PCDHA3: variants seen among roughly 807,000 people sequenced by gnomAD.
PCDHA3 encodes protocadherin alpha 3.
Under a neutral mutation model 62.2 loss-of-function variants are expected in PCDHA3, and 41 were observed. The ratio of observed to expected loss-of-function variants is 0.66; its 90% CI spans 0.51 to 0.86. The LOEUF (loss-of-function observed/expected upper bound fraction) is 0.86, where lower values mean the gene tolerates loss of function less well. PCDHA3 is among the 40% of genes least tolerant of loss of function. PCDHA3 has a pLI of 0.00. For missense variants in PCDHA3, 1,304 were observed against 1,241.2 expected, an observed-to-expected ratio of 1.05 and a Z score of -0.76; for synonymous variants, 640 against 555.4, an observed-to-expected ratio of 1.15 and a Z score of -2.14.
rs201890234 is a variant in PCDHA3, at chr5:140,842,178, A to C, written c.2394+38587A>C. ...TCATATTCTTTTAATAGCCTTGTTG[A>C]AACTATGGTTATTGACCACTTTAGC... On this transcript the variant is annotated intron_variant, in intron 1 of 3. Transcript: ENST00000522353. 3.1e-4 allele frequency: 494 copies of C among 1,613,248 alleles called. 6 individuals are homozygous for C. Among genetic ancestry groups the C allele is most frequent in the African/African-American group, 2.3e-3 (170 of 74,856 alleles).
intron 3 of PCDHA3, among the ~76,000 whole-genome samples, chr5:140,996,703 C>G (rs2097740523): frequency 6.6e-6 from 1 of 152,132 alleles, no homozygotes; most frequent in African/African-American, 2.4e-5. Context: ...GAACCTCTAT[C>G]TCTTTGATTT....
Position 140,802,966 on chromosome 5 carries a change from T to G in PCDHA3, c.1769T>G (p.Val590Gly), listed in dbSNP as rs1554122488. ...CCGCGGTCAGTGGGTGCGGGCCACG[T>G]GGTAGCGAAGGTGCGCGCAGTGGAT... ...LVPRSVGAGH[V>G]VAKVRAVDAD... Residue 590 changes from valine (V) to glycine (G), a missense_variant, in exon 1 of 4, where the codon GTG becomes GGG. By Grantham distance (109) the Val-to-Gly change is moderately radical (BLOSUM62 -3). Transcript: ENST00000522353. 1.9e-6 allele frequency: 3 copies of G among 1,613,950 alleles called. No homozygotes were observed. In the Admixed American group the frequency reaches 5.0e-5, roughly 27 times the overall value.
intron 1 of PCDHA3, among the ~76,000 whole-genome samples, chr5:140,973,378 A>C (rs1453357452): frequency 6.6e-6 from 1 of 152,238 alleles, no homozygotes; most frequent in Non-Finnish European, 1.5e-5. Context: ...CAATGGTCAG[A>C]ATAGACAAAG....
chr5:140,898,733 A>C (rs1401773719), intron 1 of PCDHA3, among the ~76,000 whole-genome samples: 1 of 152,154 alleles, frequency 6.6e-6, no homozygotes, highest in Non-Finnish European at 1.5e-5. Flanking sequence ...GAAGAAAGTC[A>C]TTGGTAGCTT....
intron 1 of PCDHA3, among the ~76,000 whole-genome samples, chr5:140,940,317 A>G (rs782009825): frequency 1.5e-4 from 23 of 152,024 alleles, no homozygotes; most frequent in Non-Finnish European, 2.2e-4. Context: ...CTTTCTTCCA[A>G]TTTTACTAAT....
intron 1 of PCDHA3, among the ~76,000 whole-genome samples, chr5:140,905,837 G>A (rs1433117944): frequency 1.3e-5 from 2 of 152,148 alleles, no homozygotes; most frequent in African/African-American, 2.4e-5. Context: ...ATAAAGGGGA[G>A]TTTATTAAGG....
intron 1 of PCDHA3, among the ~76,000 whole-genome samples, chr5:140,923,820 C>T (rs892649324): frequency 5.3e-4 from 80 of 152,224 alleles, no homozygotes; most frequent in African/African-American, 1.6e-3. Context: ...TGAAAATAGA[C>T]GTCAGTGGCA....
intron 3 of PCDHA3, among the ~76,000 whole-genome samples, chr5:140,991,007 G>C (rs2153892777): frequency 6.6e-6 from 1 of 152,280 alleles, no homozygotes; most frequent in South Asian, 2.1e-4. Flanking sequence ...ATTGAGAACT[G>C]TGATAAGCAC....
At chr5:140,862,433 G>T (rs781821294) in intron 1 of PCDHA3, 1 of 354,884 alleles carries the variant, frequency 2.8e-6, no homozygotes, top group Non-Finnish European at 5.6e-6. Flanking sequence ...GAAACTATTC[G>T]TTGGTACTCC....
chr5:141,000,375 C>G (rs1253953172), intron 3 of PCDHA3, among the ~76,000 whole-genome samples: 8 of 57,690 alleles, frequency 1.4e-4, no homozygotes, highest in Non-Finnish European at 1.9e-4. Context: ...CTCTCTCTCT[C>G]TCTCTCTCTC....
At chr5:140,906,713 G>A (rs1554192665) in intron 1 of PCDHA3, among the ~76,000 whole-genome samples, 1 of 152,160 alleles carries the variant, frequency 6.6e-6, no homozygotes, top group Non-Finnish European at 1.5e-5. Flanking sequence ...AGTCCTGCCT[G>A]GATTGTGCTG....
intron 1 of PCDHA3, among the ~76,000 whole-genome samples, chr5:140,970,213 A>AAAT (rs1198069658): frequency 6.6e-5 from 10 of 152,242 alleles, no homozygotes; most frequent in Admixed American, 2.0e-4. Context: ...AATTTAGCTT[A>AAAT]AATGCAGCCT....
Position 140,849,815 on chromosome 5 carries a change from G to A in PCDHA3, c.2394+46224G>A, listed in dbSNP as rs2150451415. On this transcript the variant is annotated intron_variant, in intron 1 of 3. Transcript: ENST00000522353. ...CGCCTTCACTGTGGGCCACGGCCAGGGTGTCTGTGGAGGTGGCCGACGTGA... is the reference window on the plus strand; with the variant it reads ...CGCCTTCACTGTGGGCCACGGCCAGAGTGTCTGTGGAGGTGGCCGACGTGA... 1.8e-4 allele frequency: 280 copies of A among 1,598,402 alleles called. 16 individuals carry two copies. In the South Asian group the frequency reaches 3.0e-3, roughly 17 times the overall value.
chr5:140,937,527 G>A (rs1190290782), intron 1 of PCDHA3, among the ~76,000 whole-genome samples: 3 of 152,250 alleles, frequency 2.0e-5, no homozygotes, highest in Non-Finnish European at 4.4e-5. Flanking sequence ...TGAGGCAGGA[G>A]AATTGCTTGA....
chr5:140,852,495 C>T (rs2042351013), intron 1 of PCDHA3: 1 of 241,812 alleles, frequency 4.1e-6, no homozygotes, highest in Non-Finnish European at 7.2e-6. Context: ...CCAGGTTGGT[C>T]TCGAACTCCT....
chr5:140,867,407 T>C (rs1376336154), intron 1 of PCDHA3: 1 of 152,154 alleles, frequency 6.6e-6, no homozygotes, highest in African/African-American at 2.4e-5. Flanking sequence ...ATATGTCTCC[T>C]TTAATTTTTT....
At chr5:140,829,264 T>C (rs2150164860) in intron 1 of PCDHA3, 2 of 1,614,244 alleles carry the variant, frequency 1.2e-6, no homozygotes, top group East Asian at 2.2e-5. Flanking sequence ...CGCTGACGCC[T>C]CACGTCCCTT....
intron 3 of PCDHA3, among the ~76,000 whole-genome samples, chr5:140,990,378 T>G (rs1554251448): frequency 6.6e-6 from 1 of 152,128 alleles, no homozygotes; most frequent in African/African-American, 2.4e-5. Context: ...GCAAATTTGT[T>G]GGTGATGTTC....
At chr5:140,857,441 G>A (rs1554150037) in intron 1 of PCDHA3, 3 of 1,598,446 alleles carry the variant, frequency 1.9e-6, no homozygotes, top group African/African-American at 1.3e-5. Context: ...GTTCGTGAAG[G>A]AGAACAACCC....
Sources: gnomAD v4.1 joint callset for allele counts (sites outside exome capture counted in the v4.1 genomes callset) on GRCh38, gnomAD v4.1.1 for gene constraint, MANE v1.5 for transcripts, NCBI Gene and HGNC (gene_info 2026-07-23, HGNC 2026-07-21) for gene names.